The following CSMD1 variants were observed in gnomAD, a reference collection of about 807,000 sequenced individuals.
CSMD1 encodes CUB and sushi domain-containing protein 1.
CSMD1 carries 213 observed loss-of-function variants against 417.5 expected under a neutral mutation model. The observed-to-expected ratio is 0.51, with a 90% CI of 0.46 to 0.57. CSMD1 has a LOEUF of 0.57. Ranked by LOEUF, CSMD1 falls within the 20% of genes least tolerant of loss-of-function variation. CSMD1 has a pLI of 0.00. For synonymous variants in CSMD1, 2,862 were observed against 1,736.8 expected, an observed-to-expected ratio of 1.65 and a Z score of -16.11; for missense variants, 6,923 against 4,529.7, an observed-to-expected ratio of 1.53 and a Z score of -15.17.
intron 23 of CSMD1, among the ~76,000 whole-genome samples, chr8:3,313,613 G>C (rs1489261204): frequency 1.3e-5 from 2 of 152,088 alleles, no homozygotes; most frequent in Non-Finnish European, 2.9e-5. Context: ...TAAAAAGTCA[G>C]GAAACAACAG....
At position 3,621,617 on chromosome 8, in the gene CSMD1, G is replaced by C. The variant is rs1007724970; in HGVS notation, c.1010-4820C>G. 4.6e-5 allele frequency among the ~76,000 whole-genome samples: 7 copies of C among 151,994 alleles called. No homozygotes were observed. The East Asian group carries it at 9.7e-4, about 21-fold the overall frequency. ...TACTTTTTTTTCTTTTTTTGAGACA[G>C]AATCTTGTTCTGTTGCCCAGGCTGC... On this transcript the variant is annotated intron_variant, in intron 7 of 69. Coordinates refer to ENST00000635120, the MANE Select transcript of CSMD1 (RefSeq NM_033225.6).
intron 1 of CSMD1, among the ~76,000 whole-genome samples, chr8:4,817,431 T>C (rs1392942532): frequency 1.3e-5 from 2 of 152,240 alleles, no homozygotes; most frequent in Non-Finnish European, 1.5e-5. Context: ...GCAAGTGTTT[T>C]CATAGAAGTA....
chr8:4,469,431 G>C (rs1335198101), intron 2 of CSMD1, among the ~76,000 whole-genome samples: 3 of 152,170 alleles, frequency 2.0e-5, no homozygotes, highest in Admixed American at 6.5e-5. Flanking sequence ...AGTATCATCT[G>C]GGACTGCAAA....
intron 12 of CSMD1, among the ~76,000 whole-genome samples, chr8:3,462,514 G>C (rs759660829): frequency 6.6e-6 from 1 of 152,128 alleles, no homozygotes; most frequent in Non-Finnish European, 1.5e-5. Context: ...AGGGATCTAG[G>C]CTGCATGCCC....
At chr8:3,440,447 T>C (rs1374929406) in intron 12 of CSMD1, among the ~76,000 whole-genome samples, 1 of 152,198 alleles carries the variant, frequency 6.6e-6, no homozygotes, top group Non-Finnish European at 1.5e-5. Flanking sequence ...GTTCACGTGT[T>C]CATATTATTA....
At chr8:4,313,681 GAA>G (rs1798756973) in intron 3 of CSMD1, among the ~76,000 whole-genome samples, 1 of 151,886 alleles carries the variant, frequency 6.6e-6, no homozygotes, top group African/African-American at 2.4e-5. Context: ...CAGGAGCTCT[GAA>G]AGTTTCAGAC....
At chr8:4,531,802 A>G (rs1422304829) in intron 2 of CSMD1, among the ~76,000 whole-genome samples, 1 of 152,190 alleles carries the variant, frequency 6.6e-6, no homozygotes, top group Admixed American at 6.5e-5. Flanking sequence ...TTTTACAGCC[A>G]CCATCATAAT....
rs77338594 is a variant in CSMD1, at chr8:4,165,727, T to G, written c.416-133628A>C. Among the ~76,000 whole-genome samples, 483 of 152,276 alleles carry G rather than the reference T, an allele frequency of 3.2e-3. 1 individual carries two copies. The highest frequency in any genetic ancestry group is 8.2e-3 in the Admixed American group (126 of 15,290). ...CCAAGTATCATTTTTATTACAAGTT[T>G]AATCACTAAGCATCTCATCATTTCT... On this transcript the variant is annotated intron_variant, in intron 3 of 69. Transcript: ENST00000635120.
chr8:3,261,898 T>C (rs530935215), intron 26 of CSMD1, among the ~76,000 whole-genome samples: 13 of 152,110 alleles, frequency 8.5e-5, no homozygotes, highest in African/African-American at 2.9e-4. Context: ...GCCTGTGGGA[T>C]CCTATTCCTG....
intron 3 of CSMD1, among the ~76,000 whole-genome samples, chr8:4,106,304 C>A (rs1374017466): frequency 6.6e-6 from 1 of 152,144 alleles, no homozygotes; most frequent in Non-Finnish European, 1.5e-5. Flanking sequence ...TACGTTAGAG[C>A]TTACCTCAAA....
chr8:4,882,306 C>T (rs926424470), intron 1 of CSMD1, among the ~76,000 whole-genome samples: 18 of 151,662 alleles, frequency 1.2e-4, no homozygotes, highest in African/African-American at 4.1e-4. Context: ...GAATGGCATA[C>T]GGCAGACAAA....
intron 2 of CSMD1, among the ~76,000 whole-genome samples, chr8:4,599,890 T>C (rs1480917799): frequency 6.6e-6 from 1 of 152,338 alleles, no homozygotes; most frequent in African/African-American, 2.4e-5. Flanking sequence ...GAGTTTTTTG[T>C]AAACTGCTCA....
rs140691038 is a variant in CSMD1, at chr8:4,109,905, G to A, written c.416-77806C>T. Among the ~76,000 whole-genome samples, 186 of 152,170 alleles carry A rather than the reference G, an allele frequency of 1.2e-3. 1 individual carries two copies. Among genetic ancestry groups the A allele is most frequent in the African/African-American group, 4.3e-3 (177 of 41,532 alleles). On this transcript the variant is annotated intron_variant, in intron 3 of 69. Transcript: ENST00000635120. ...TTCTCATAATAAAGTTCTTTTCCAG[G>A]CAATTTGGGCACAGAAAATGAAATA...
intron 3 of CSMD1, among the ~76,000 whole-genome samples, chr8:4,317,959 T>C (rs1585220930): frequency 6.6e-6 from 1 of 152,124 alleles, no homozygotes; most frequent in African/African-American, 2.4e-5. Flanking sequence ...GAATTTAAGG[T>C]ATTTGGTATT....
At chr8:2,980,775 T>G (rs1202868519) in intron 54 of CSMD1, among the ~76,000 whole-genome samples, 1 of 152,218 alleles carries the variant, frequency 6.6e-6, no homozygotes, top group Non-Finnish European at 1.5e-5. Flanking sequence ...CTCATTCTTG[T>G]AAATCATTTT....
In CSMD1 at chr8:3,098,286, G is replaced by A. The variant is rs868558846; in HGVS notation, c.6950-1249C>T. 4.6e-5 allele frequency among the ~76,000 whole-genome samples: 7 copies of A among 152,286 alleles called. 1 individual carries two copies. The Middle Eastern group carries it at 0.014, about 296-fold the overall frequency. On this transcript the variant is annotated intron_variant, in intron 46 of 69. Transcript: ENST00000635120. Reference sequence around the variant, plus strand: ...GTTATCGCCTTTTAATTAGTTAAATGTGTGCTATTTATACATACATTTCAA... The same window carrying A: ...GTTATCGCCTTTTAATTAGTTAAATATGTGCTATTTATACATACATTTCAA...
chr8:4,066,337 G>A (rs770073585), intron 3 of CSMD1, among the ~76,000 whole-genome samples: 5 of 152,082 alleles, frequency 3.3e-5, no homozygotes, highest in African/African-American at 7.2e-5. Flanking sequence ...TGCCTAGCCC[G>A]TTCTGTCATT....
chr8:3,575,723 TA>T (rs68137238), intron 9 of CSMD1, among the ~76,000 whole-genome samples: 2 of 151,762 alleles, frequency 1.3e-5, no homozygotes, highest in Non-Finnish European at 2.9e-5. Context: ...ACTTTAAAAA[TA>T]AAAAAAATCT....
intron 2 of CSMD1, among the ~76,000 whole-genome samples, chr8:4,455,172 A>T (rs1309999665): frequency 6.6e-6 from 1 of 151,920 alleles, no homozygotes. Flanking sequence ...GGTATTTCAG[A>T]ATTAAAGATG....
Sources: gnomAD v4.1 joint callset for allele counts (sites outside exome capture counted in the v4.1 genomes callset) on GRCh38, gnomAD v4.1.1 for gene constraint, MANE v1.5 for transcripts, NCBI Gene and HGNC (gene_info 2026-07-23, HGNC 2026-07-21) for gene names.